Variants in PRKAG2 observed in about 807,000 individuals in gnomAD.
PRKAG2 encodes 5'-AMP-activated protein kinase subunit gamma-2.
A neutral mutation model predicts 69.6 loss-of-function variants in PRKAG2; 26 were observed. That is an observed-to-expected ratio of 0.37 (90% confidence interval 0.27 to 0.52). The LOEUF (loss-of-function observed/expected upper bound fraction) is 0.52. PRKAG2 is among the 20% of genes least tolerant of loss of function. PRKAG2 has a pLI of 0.90. For synonymous variants in PRKAG2, 293 were observed against 285.0 expected (o/e 1.03, Z -0.28); for missense variants, 557 against 740.0 (o/e 0.75, Z 2.87).
rs766917218 is a variant in PRKAG2 at position 151,567,503 on chromosome 7, G to A, written c.1233+1213C>T. ...GTGAGCTGCAGGCCTGGCACGTGGG[G>A]GCCCTGAATACATCCTTCCCACCCC... On this transcript the variant is annotated intron_variant, in intron 11 of 15. Coordinates refer to ENST00000287878, the MANE Select transcript of PRKAG2 (RefSeq NM_016203.4). The surrounding 1 kb of genome is among the most constrained non-coding windows in gnomAD (Gnocchi z 4.2). 6.6e-6 allele frequency among the ~76,000 whole-genome samples: 1 copy of A among 151,940 alleles called. No individual in the cohort carries two copies. The highest frequency in any genetic ancestry group is 1.5e-5 in the Non-Finnish European group (1 of 67,980).
intron 1 of PRKAG2, among the ~76,000 whole-genome samples, chr7:151,858,416 G>T (rs1412174734): frequency 1.3e-5 from 2 of 152,192 alleles, no homozygotes; most frequent in African/African-American, 2.4e-5. Context: ...TTTTATTTTT[G>T]TTTATGCATA....
Position 151,632,537 on chromosome 7 carries a change from GC to G in PRKAG2, c.685-400del. On this transcript the variant is annotated intron_variant, in intron 4 of 15. Transcript: ENST00000287878. The surrounding 1 kb of genome is among the most constrained non-coding windows in gnomAD (Gnocchi z 4.2). The stretch of plus-strand genomic sequence containing the variant: ...GTGCCGCCATTGGGAGAGGCCCGCG[GC>G]CCGCCCCCACTCCGCCCCCCGGCGC... The G allele has an allele frequency of 1.0e-6, 1 of 979,270 alleles. No homozygotes were observed. The highest frequency in any genetic ancestry group is 1.2e-6 in the Non-Finnish European group (1 of 824,964). 60.7% of individuals were successfully genotyped at this position (979,270 alleles called of 1,614,324 possible).
At chr7:151,799,150 G>A (rs1390137364) in intron 1 of PRKAG2, among the ~76,000 whole-genome samples, 1 of 152,196 alleles carries the variant, frequency 6.6e-6, no homozygotes, top group Admixed American at 6.5e-5. Context: ...GTGTTAGGAT[G>A]GAAATGGCCT....
At chr7:151,562,847 C>T (rs575051557) in intron 14 of PRKAG2, among the ~76,000 whole-genome samples, 38 of 148,996 alleles carry the variant, frequency 2.6e-4, no homozygotes, top group African/African-American at 8.0e-4. Context: ...CCCAGCTACT[C>T]GGGAGGCTGA....
chr7:151,658,352 G>C (rs905666048), intron 4 of PRKAG2, among the ~76,000 whole-genome samples: 17 of 151,500 alleles, frequency 1.1e-4, no homozygotes, highest in African/African-American at 4.1e-4. Flanking sequence ...AGGCGTGGTG[G>C]CGCGTGCCCG....
chr7:151,824,942 G>A (rs2078873716), intron 1 of PRKAG2, among the ~76,000 whole-genome samples: 1 of 152,138 alleles, frequency 6.6e-6, no homozygotes, highest in Non-Finnish European at 1.5e-5. Flanking sequence ...GGCGGGGCAC[G>A]GTGGCTCATG....
chr7:151,629,598 T>G lies in PRKAG2; in HGVS notation c.754+2471A>C, dbSNP rs1585347051. Among the ~76,000 whole-genome samples, 3 of 152,206 alleles carry G rather than the reference T, an allele frequency of 2.0e-5. No homozygotes were observed. In the South Asian group the frequency reaches 6.2e-4, roughly 32 times the overall value. ...CCAAAGACGACCCAACTAGGCAGGG[T>G]AGAACTCAATCTTTCTTCCTAACCT... On this transcript the variant is annotated intron_variant, in intron 5 of 15. Coordinates refer to ENST00000287878, the MANE Select transcript of PRKAG2 (RefSeq NM_016203.4).
At chr7:151,596,377 A>G (rs750025145) in intron 5 of PRKAG2, among the ~76,000 whole-genome samples, 19 of 152,258 alleles carry the variant, frequency 1.2e-4, no homozygotes, top group Non-Finnish European at 2.4e-4. Context: ...ATAGCTACAA[A>G]AAAACAAAAT....
rs142637992 is a variant in PRKAG2 at position 151,598,678 on chromosome 7, C to T, written c.755-3224G>A. 7.4e-3 allele frequency among the ~76,000 whole-genome samples: 1,123 copies of T among 152,042 alleles called. 22 individuals carry two copies. Among genetic ancestry groups the T allele is most frequent in the African/African-American group, 0.026 (1,067 of 41,468 alleles). ...TTTGTATCTACTAACTCATTGTTAG[C>T]AGACAGAAATTTAAAAAAATTTTAA... is the stretch of plus-strand genomic sequence containing the variant. On this transcript the variant is annotated intron_variant, in intron 5 of 15. Transcript: ENST00000287878.
intron 3 of PRKAG2, among the ~76,000 whole-genome samples, chr7:151,757,838 G>A (rs964199279): frequency 6.6e-6 from 1 of 152,230 alleles, no homozygotes; most frequent in South Asian, 2.1e-4. Flanking sequence ...CGAAAATAAA[G>A]TACCTAGTCA....
At chr7:151,597,314 C>T (rs1309442210) in intron 5 of PRKAG2, among the ~76,000 whole-genome samples, 3 of 152,126 alleles carry the variant, frequency 2.0e-5, no homozygotes, top group East Asian at 3.8e-4. Flanking sequence ...ACCCAAACTA[C>T]GAAACTACTA....
intron 4 of PRKAG2, among the ~76,000 whole-genome samples, chr7:151,650,395 G>A (rs867532457): frequency 6.6e-6 from 1 of 152,118 alleles, no homozygotes; most frequent in Non-Finnish European, 1.5e-5. Flanking sequence ...CTAGGGAATG[G>A]TTTGCATGTT....
intron 1 of PRKAG2, among the ~76,000 whole-genome samples, chr7:151,831,796 C>G (rs567175124): frequency 6.6e-6 from 1 of 152,110 alleles, no homozygotes; most frequent in Non-Finnish European, 1.5e-5. Context: ...AGCTGTGTCC[C>G]GGTCAGGTGC....
Position 151,703,845 on chromosome 7 carries a change from AACACACACACACACACACACACACAC to A in PRKAG2, c.467-28234_467-28209del, listed in dbSNP as rs535818189. On this transcript the variant is annotated intron_variant, in intron 3 of 15. Coordinates refer to ENST00000287878, the MANE Select transcript of PRKAG2 (RefSeq NM_016203.4). The stretch of plus-strand genomic sequence containing the variant: ...TGGTGAAACCCTGTCTTTACTGGAA[AACACACACACACACACACACACACAC>A]ACACACACACACACACACACACACA... Among the ~76,000 whole-genome samples the A allele has an allele frequency of 0.016, 1,454 of 88,554 alleles. 88 individuals carry two copies. In the East Asian group the frequency reaches 0.21, roughly 13 times the overall value. The allele number at this position is 88,554 out of a possible 152,430, so 58.1% of individuals were successfully genotyped here. A position where few individuals can be genotyped will look rare whatever the true frequency, so the allele number is the denominator to read the frequency against.
intron 5 of PRKAG2, among the ~76,000 whole-genome samples, chr7:151,610,788 T>C (rs1818637757): frequency 7.1e-6 from 1 of 139,902 alleles, no homozygotes; most frequent in East Asian, 2.2e-4. Context: ...TCACCCAGGC[T>C]GCAGTGCAGT....
rs1207057314 is a variant in PRKAG2 at position 151,556,158 on chromosome 7, C to T, written c.*1043G>A. 2.2e-5 allele frequency: 3 copies of T among 137,614 alleles called. No individual in the cohort carries two copies. The highest frequency in any genetic ancestry group is 4.7e-5 in the Non-Finnish European group (3 of 64,114). The allele number at this position is 137,614 out of a possible 1,614,324, so 8.5% of individuals were successfully genotyped here. ...GTAGGATCTATTTTAATTTTTCAAT[C>T]TGAAAAAAAAAAACCCAAAACAAAA... is the stretch of plus-strand genomic sequence containing the variant. On this transcript the variant is annotated 3_prime_UTR_variant, in exon 16 of 16. Coordinates refer to ENST00000287878, the MANE Select transcript of PRKAG2 (RefSeq NM_016203.4).
At chr7:151,685,847 T>C (rs1834643967) in intron 3 of PRKAG2, among the ~76,000 whole-genome samples, 1 of 152,124 alleles carries the variant, frequency 6.6e-6, no homozygotes, top group African/African-American at 2.4e-5. Context: ...GGGATCCTCA[T>C]TTTTTTAAAA....
intron 5 of PRKAG2, among the ~76,000 whole-genome samples, chr7:151,623,088 T>C (rs903800439): frequency 3.3e-5 from 5 of 152,050 alleles, no homozygotes; most frequent in Non-Finnish European, 5.9e-5. Context: ...TAAGGAAGGC[T>C]GGGCACGGTG....
chr7:151,822,943 A>G (rs2078823402), intron 1 of PRKAG2, among the ~76,000 whole-genome samples: 1 of 152,214 alleles, frequency 6.6e-6, no homozygotes, highest in South Asian at 2.1e-4. Context: ...CAGCCTGGGG[A>G]AGCTGAGTGG....
Sources: gnomAD v4.1 joint callset for allele counts (sites outside exome capture counted in the v4.1 genomes callset) on GRCh38, gnomAD v4.1.1 for gene constraint, Gnocchi (gnomAD v3.1) non-coding constraint, MANE v1.5 for transcripts, NCBI Gene and HGNC (gene_info 2026-07-23, HGNC 2026-07-21) for gene names.